The following NRG3 variants were observed in gnomAD, a reference collection of about 807,000 sequenced individuals.
NRG3 encodes neuregulin 3.
A neutral mutation model predicts 66.9 loss-of-function variants in NRG3; 31 were observed. The ratio of observed to expected loss-of-function variants is 0.46; its 90% CI spans 0.35 to 0.63. The LOEUF (loss-of-function observed/expected upper bound fraction) is 0.63. NRG3 is among the 20% of genes least tolerant of loss of function. The pLI, the probability that NRG3 is intolerant of heterozygous loss-of-function variation, is 0.00. For missense variants in NRG3, 910 were observed against 878.9 expected, an observed-to-expected ratio of 1.04 and a Z score of -0.45; for synonymous variants, 393 against 359.4, an observed-to-expected ratio of 1.09 and a Z score of -1.06.
chr10:82,359,020 A>G, intron 2 of NRG3, 152 bp downstream of exon 2: 3 of 1,117,872 alleles, frequency 2.7e-6, no homozygotes, highest in Non-Finnish European at 3.8e-6. Flanking sequence ...TGGAAAGGGC[A>G]AGGCTGCTGC....
At chr10:82,831,766 A>G (rs2062536343) in intron 3 of NRG3, among the ~76,000 whole-genome samples, 1 of 152,142 alleles carries the variant, frequency 6.6e-6, no homozygotes, top group Non-Finnish European at 1.5e-5. Context: ...GTGAGCTGAG[A>G]TCGTGCCATT....
chr10:82,875,377 A>G (rs1778472108), intron 4 of NRG3, among the ~76,000 whole-genome samples: 1 of 152,020 alleles, frequency 6.6e-6, no homozygotes, highest in Non-Finnish European at 1.5e-5. Context: ...TTATTTTTCA[A>G]GGCAGGGTCT....
At chr10:82,329,758 T>C (rs1457216821) in intron 1 of NRG3, among the ~76,000 whole-genome samples, 1 of 152,156 alleles carries the variant, frequency 6.6e-6, no homozygotes, top group African/African-American at 2.4e-5. Flanking sequence ...GTCACTTAAA[T>C]CCCCTTCCAA....
chr10:81,973,396 T>G (rs1469805072), intron 1 of NRG3, among the ~76,000 whole-genome samples: 1 of 152,248 alleles, frequency 6.6e-6, no homozygotes, highest in Non-Finnish European at 1.5e-5. Flanking sequence ...TATAATAGAA[T>G]GATTTATATT....
intron 2 of NRG3, among the ~76,000 whole-genome samples, chr10:82,579,877 C>A (rs1282960270): frequency 6.6e-6 from 1 of 151,852 alleles, no homozygotes; most frequent in Non-Finnish European, 1.5e-5. Context: ...AATTTTGGGT[C>A]AAGCTGTCTC....
chr10:82,394,437 T>C (rs188903828), intron 2 of NRG3, among the ~76,000 whole-genome samples: 1 of 152,258 alleles, frequency 6.6e-6, no homozygotes, highest in Admixed American at 6.5e-5. Context: ...TGGGCCTGAT[T>C]CCCATTTAGA....
chr10:82,757,047 A>G (rs1309819402), intron 3 of NRG3, among the ~76,000 whole-genome samples: 1 of 152,030 alleles, frequency 6.6e-6, no homozygotes, highest in Non-Finnish European at 1.5e-5. Context: ...CTCTCTTCCT[A>G]AACAGAAACA....
intron 6 of NRG3, among the ~76,000 whole-genome samples, 190 bp from the exon 7 acceptor site, chr10:82,973,598 G>A (rs1851971408): frequency 2.0e-5 from 3 of 152,122 alleles, no homozygotes; most frequent in Admixed American, 2.0e-4. Flanking sequence ...GCACAGAGAT[G>A]GTTGGGGCAG....
At chr10:82,715,173 T>G (rs1012450034) in intron 2 of NRG3, among the ~76,000 whole-genome samples, 5 of 152,088 alleles carry the variant, frequency 3.3e-5, no homozygotes, top group South Asian at 4.1e-4. Flanking sequence ...AGTAGGTGGA[T>G]CGCTTGAGGC....
intron 1 of NRG3, among the ~76,000 whole-genome samples, chr10:82,250,805 A>G (rs1218218394): frequency 6.6e-6 from 1 of 152,160 alleles, no homozygotes; most frequent in African/African-American, 2.4e-5. Context: ...ACAACTACAT[A>G]GCTCCTTGCC....
intron 1 of NRG3, among the ~76,000 whole-genome samples, chr10:82,209,357 A>C (rs150113816): frequency 1.5e-4 from 22 of 142,070 alleles, no homozygotes; most frequent in African/African-American, 5.6e-4. Flanking sequence ...TCTCTCTCTC[A>C]AAAGAAACGT....
intron 7 of NRG3, among the ~76,000 whole-genome samples, chr10:82,974,830 A>T (rs995407887): frequency 6.6e-6 from 1 of 152,230 alleles, no homozygotes; most frequent in South Asian, 2.1e-4. Flanking sequence ...AACATACATG[A>T]TAGAAGAAAA....
intron 2 of NRG3, among the ~76,000 whole-genome samples, chr10:82,615,711 CT>C (rs2048602564): frequency 6.6e-6 from 1 of 152,070 alleles, no homozygotes; most frequent in African/African-American, 2.4e-5. Flanking sequence ...AAGTTTCACA[CT>C]TTAAAACTCA....
At chr10:81,986,097 G>C (rs1564713764) in intron 1 of NRG3, among the ~76,000 whole-genome samples, 1 of 152,072 alleles carries the variant, frequency 6.6e-6, no homozygotes, top group Non-Finnish European at 1.5e-5. Context: ...TAAAGAAAGG[G>C]CACAGTTTAT....
intron 4 of NRG3, among the ~76,000 whole-genome samples, chr10:82,924,852 A>G (rs1479215949): frequency 6.6e-6 from 1 of 152,166 alleles, no homozygotes; most frequent in African/African-American, 2.4e-5. Flanking sequence ...AGTTCAGCCA[A>G]TCCATGTAAT....
chr10:82,943,202 T>C (rs949335672), intron 4 of NRG3, among the ~76,000 whole-genome samples: 11 of 152,252 alleles, frequency 7.2e-5, no homozygotes, highest in African/African-American at 2.7e-4. Flanking sequence ...CTAGGCACTT[T>C]GTTCGTGCTT....
At chr10:82,080,696 CT>C (rs959528446) in intron 1 of NRG3, among the ~76,000 whole-genome samples, 4 of 151,776 alleles carry the variant, frequency 2.6e-5, no homozygotes, top group African/African-American at 7.3e-5. Flanking sequence ...TTTTCTTTTT[CT>C]TTTTTTTGTT....
chr10:82,672,823 T>C (rs994506588), intron 2 of NRG3, among the ~76,000 whole-genome samples: 6 of 152,154 alleles, frequency 3.9e-5, no homozygotes, highest in African/African-American at 7.2e-5. Flanking sequence ...GATCTCGGCT[T>C]ACTGCAACTT....
At chr10:82,063,281 T>A (rs576134146) in intron 1 of NRG3, among the ~76,000 whole-genome samples, 1 of 149,580 alleles carries the variant, frequency 6.7e-6, no homozygotes, top group Non-Finnish European at 1.5e-5. Context: ...CTCAAGTTTC[T>A]GTTTTTTTTT....
Sources: gnomAD v4.1 joint callset for allele counts (sites outside exome capture counted in the v4.1 genomes callset) on GRCh38, gnomAD v4.1.1 for gene constraint, MANE v1.5 for transcripts, NCBI Gene and HGNC (gene_info 2026-07-23, HGNC 2026-07-21) for gene names.